CNTNAP2: variants seen among roughly 807,000 people sequenced by gnomAD.
CNTNAP2 encodes contactin-associated protein-like 2.
A neutral mutation model predicts 155.2 loss-of-function variants in CNTNAP2; 98 were observed. That is an observed-to-expected ratio of 0.63 (90% CI 0.54 to 0.75). The LOEUF is 0.75. Among genes scored for constraint, CNTNAP2 ranks in the 30% least tolerant of loss-of-function variants. The pLI, the probability that CNTNAP2 is intolerant of heterozygous loss-of-function variation, is 0.00. For missense variants in CNTNAP2, 1,727 were observed against 1,688.1 expected, an observed-to-expected ratio of 1.02 and a Z score of -0.40; for synonymous variants, 651 against 631.2, an observed-to-expected ratio of 1.03 and a Z score of -0.47.
At chr7:147,042,675 AG>A (rs1263795994) in intron 3 of CNTNAP2, among the ~76,000 whole-genome samples, 1 of 152,170 alleles carries the variant, frequency 6.6e-6, no homozygotes, top group Non-Finnish European at 1.5e-5. Flanking sequence ...TTCAGTCCTT[AG>A]GCAAAGAAGA....
At chr7:146,725,582 A>G (rs1801417258) in intron 1 of CNTNAP2, among the ~76,000 whole-genome samples, 11 of 152,188 alleles carry the variant, frequency 7.2e-5, no homozygotes, top group Admixed American at 7.2e-4. Context: ...CATTATTTCA[A>G]AGGTCACAAG....
At chr7:146,930,162 G>T (rs1180025230) in intron 3 of CNTNAP2, among the ~76,000 whole-genome samples, 1 of 152,104 alleles carries the variant, frequency 6.6e-6, no homozygotes, top group East Asian at 1.9e-4. Context: ...TGAAATGAAG[G>T]AAAAAATGTT....
intron 1 of CNTNAP2, among the ~76,000 whole-genome samples, chr7:146,191,479 A>G (rs1220376361): frequency 1.3e-5 from 2 of 152,200 alleles, no homozygotes; most frequent in East Asian, 1.9e-4. Context: ...ACATCTTATC[A>G]GGAGACAGGG....
chr7:146,468,508 A>T (rs1796748426), intron 1 of CNTNAP2, among the ~76,000 whole-genome samples: 1 of 152,176 alleles, frequency 6.6e-6, no homozygotes, highest in Non-Finnish European at 1.5e-5. Context: ...TGTACAACCC[A>T]GTCTAATGAG....
Position 147,061,023 on chromosome 7 carries a change from G to T in CNTNAP2, c.550+16969G>T, listed in dbSNP as rs148973034. On this transcript the variant is annotated intron_variant, in intron 4 of 23. Transcript: ENST00000361727. ...CTAATATTCAAATATTACTATAATC[G>T]CTGAAAGACAAATGCTGTATGATTC... Among the ~76,000 whole-genome samples, 614 of 151,794 alleles carry T rather than the reference G, an allele frequency of 4.0e-3. 5 individuals are homozygous for T. The highest frequency in any genetic ancestry group is 0.014 in the African/African-American group (572 of 41,364).
intron 8 of CNTNAP2, among the ~76,000 whole-genome samples, chr7:147,152,141 A>G (rs921134837): frequency 2.6e-5 from 4 of 152,088 alleles, no homozygotes; most frequent in Non-Finnish European, 5.9e-5. Flanking sequence ...AAAGACAATG[A>G]CTCATGTACA....
chr7:148,048,981 G>A (rs774781506), intron 15 of CNTNAP2, among the ~76,000 whole-genome samples: 1 of 152,206 alleles, frequency 6.6e-6, no homozygotes, highest in Non-Finnish European at 1.5e-5. Context: ...GGAGGCCGAG[G>A]CTGGTGGATC....
chr7:147,683,729 CTTT>C (rs10716798), intron 13 of CNTNAP2, among the ~76,000 whole-genome samples: 2 of 134,462 alleles, frequency 1.5e-5, no homozygotes, highest in African/African-American at 5.4e-5. Context: ...CACACTCAAG[CTTT>C]TTTTTTTTTT....
intron 21 of CNTNAP2, among the ~76,000 whole-genome samples, chr7:148,323,732 G>C (rs531466602): frequency 6.6e-6 from 1 of 152,034 alleles, no homozygotes; most frequent in South Asian, 2.1e-4. Context: ...TAACATTTGT[G>C]GGTCAGAAAT....
rs538178514 is a variant in CNTNAP2, at chr7:146,687,768, G to A, written c.98-86503G>A. ...AGATGACAATGCAACCAGGAGGGGC[G>A]AAGAGAGAGACAGAGATATAAATGA... On this transcript the variant is annotated intron_variant, in intron 1 of 23. Coordinates refer to ENST00000361727, the MANE Select transcript of CNTNAP2 (RefSeq NM_014141.6). Among the ~76,000 whole-genome samples the A allele has an allele frequency of 3.3e-5, 5 of 152,274 alleles. No homozygotes were observed. The South Asian group carries it at 6.2e-4, about 19-fold the overall frequency.
chr7:147,348,750 C>A (rs1795921283), intron 9 of CNTNAP2, among the ~76,000 whole-genome samples: 2 of 151,940 alleles, frequency 1.3e-5, no homozygotes, highest in Admixed American at 1.3e-4. Context: ...ACCCAGGTAT[C>A]CAACAACAGA....
At chr7:148,283,527 GCAAA>G (rs1036734588) in intron 21 of CNTNAP2, among the ~76,000 whole-genome samples, 1 of 152,124 alleles carries the variant, frequency 6.6e-6, no homozygotes, top group Non-Finnish European at 1.5e-5. Context: ...GTGCTGTGCA[GCAAA>G]CAATTTGTCA....
chr7:146,265,497 C>T (rs1169354721), intron 1 of CNTNAP2, among the ~76,000 whole-genome samples: 1 of 147,186 alleles, frequency 6.8e-6, no homozygotes, highest in Non-Finnish European at 1.5e-5. Flanking sequence ...TCACTCCCGT[C>T]ATCCAGACTG....
intron 3 of CNTNAP2, among the ~76,000 whole-genome samples, chr7:146,950,775 G>A (rs1797295705): frequency 6.6e-6 from 1 of 152,118 alleles, no homozygotes; most frequent in South Asian, 2.1e-4. Context: ...TGTCTTTAGA[G>A]TAGAATGATT....
At chr7:147,501,231 C>A (rs143272820) in intron 11 of CNTNAP2, among the ~76,000 whole-genome samples, 87 of 151,182 alleles carry the variant, frequency 5.8e-4, no homozygotes, top group Non-Finnish European at 1.1e-3. Flanking sequence ...AGGAACATAC[C>A]TCAATTCAAT....
At chr7:147,230,275 T>C (rs975603435) in intron 8 of CNTNAP2, among the ~76,000 whole-genome samples, 1 of 152,166 alleles carries the variant, frequency 6.6e-6, no homozygotes, top group African/African-American at 2.4e-5. Flanking sequence ...TATTTATTTT[T>C]TGAGACAGAG....
At chr7:148,368,460 A>G (rs1798824175) in intron 21 of CNTNAP2, among the ~76,000 whole-genome samples, 1 of 152,086 alleles carries the variant, frequency 6.6e-6, no homozygotes, top group Non-Finnish European at 1.5e-5. Flanking sequence ...TTTGGGGGCA[A>G]ATTTCCTGGT....
At chr7:147,163,458 C>A (rs1300910765) in intron 8 of CNTNAP2, among the ~76,000 whole-genome samples, 1 of 152,018 alleles carries the variant, frequency 6.6e-6, no homozygotes, top group Non-Finnish European at 1.5e-5. Context: ...TTTTATTATT[C>A]TTTTCTTCAA....
intron 15 of CNTNAP2, among the ~76,000 whole-genome samples, chr7:148,079,184 C>T (rs1803551174): frequency 6.6e-6 from 1 of 152,182 alleles, no homozygotes; most frequent in African/African-American, 2.4e-5. Flanking sequence ...ATCCTGAAAA[C>T]ATGTGCCCAA....
Sources: allele counts gnomAD v4.1 joint callset (sites outside exome capture counted in the v4.1 genomes callset), GRCh38; gene constraint gnomAD v4.1.1; transcripts MANE v1.5; gene names NCBI Gene and HGNC (gene_info 2026-07-23, HGNC 2026-07-21).